The following ZFP64 variants were observed in gnomAD, a reference collection of about 807,000 sequenced individuals.
The protein encoded by ZFP64 is ZFP64 zinc finger protein.
A neutral mutation model predicts 51.6 loss-of-function variants in ZFP64; 14 were observed. The observed-to-expected ratio is 0.27, with a 90% CI of 0.18 to 0.42. The LOEUF is 0.42. ZFP64 is among the 10% of genes least tolerant of loss of function. The pLI is 1.00. For synonymous variants in ZFP64, 375 were observed against 361.4 expected (o/e 1.04, Z -0.43); for missense variants, 754 against 906.8 (o/e 0.83, Z 2.16).
chr20:52,148,513 C>T (rs1488260771), downstream of ZFP64, among the ~76,000 whole-genome samples: 5 of 152,144 alleles, frequency 3.3e-5, no homozygotes, highest in Non-Finnish European at 7.4e-5. Flanking sequence ...CGAGCATGGC[C>T]AACATGGCGA....
At chr20:52,090,487 G>A (rs1568940513) in intron 7 of ZFP64, among the ~76,000 whole-genome samples, 1 of 152,130 alleles carries the variant, frequency 6.6e-6, no homozygotes, top group East Asian at 1.9e-4. Context: ...TCAGACAAGA[G>A]AAAAACAACC....
intron 2 of ZFP64, among the ~76,000 whole-genome samples, chr20:52,178,722 C>G (rs1382128926): frequency 6.6e-6 from 1 of 152,026 alleles, no homozygotes; most frequent in Non-Finnish European, 1.5e-5. Context: ...CCTTTCCCAC[C>G]GTCTTTCTCC....
At chr20:52,185,877 A>G (rs1181954155) in intron 2 of ZFP64, among the ~76,000 whole-genome samples, 1 of 151,936 alleles carries the variant, frequency 6.6e-6, no homozygotes, top group East Asian at 1.9e-4. Flanking sequence ...CACCGTGTCC[A>G]GGCTCCACTT....
At chr20:52,138,705 A>G (rs190605548) in intron 5 of ZFP64, among the ~76,000 whole-genome samples, 8 of 152,292 alleles carry the variant, frequency 5.3e-5, no homozygotes, top group African/African-American at 1.9e-4. Flanking sequence ...TAAAAATGCA[A>G]TCCTCGAGAG....
intron 6 of ZFP64, among the ~76,000 whole-genome samples, chr20:52,097,741 TGAGCCACCATGCCTGGCCTGAA>T (rs1437338389): frequency 6.6e-5 from 10 of 152,200 alleles, no homozygotes; most frequent in Non-Finnish European, 1.5e-4. Flanking sequence ...ATTACAGGTG[TGAGCCACCATGCCTGGCCTGAA>T]GAATACAATT....
chr20:52,096,996 G>T, intron 7 of ZFP64: 1 of 558,940 alleles, frequency 1.8e-6, no homozygotes. Context: ...ATAGGTAAAT[G>T]AAGGAGCATG....
intron 2 of ZFP64, among the ~76,000 whole-genome samples, chr20:52,179,971 G>C (rs779237461): frequency 6.6e-6 from 1 of 152,222 alleles, no homozygotes; most frequent in Non-Finnish European, 1.5e-5. Flanking sequence ...GAGGGGAGGA[G>C]GATGTCTGGT....
intron 5 of ZFP64, among the ~76,000 whole-genome samples, chr20:52,120,832 A>T (rs1979154783): frequency 6.6e-6 from 1 of 151,858 alleles, no homozygotes; most frequent in South Asian, 2.1e-4. Flanking sequence ...ATGTGCCACC[A>T]TGCCCAGATA....
chr20:52,084,478 C>T (rs2078842433), exon 9 of ZFP64: 9 of 1,395,352 alleles, frequency 6.4e-6, no homozygotes, highest in Admixed American at 2.3e-5. Context: ...AAGCCTGTCT[C>T]TCAGTGGCCT....
At chr20:52,186,764 A>G (rs1568708858) in intron 2 of ZFP64, 68 bp downstream of exon 2, 1 of 1,524,770 alleles carries the variant, frequency 6.6e-7, no homozygotes, top group East Asian at 2.3e-5. Flanking sequence ...ATTTTTAACA[A>G]GTTCCATGGA....
chr20:52,105,045 T>C (rs1978299722), intron 5 of ZFP64: 2 of 1,379,414 alleles, frequency 1.4e-6, no homozygotes, highest in South Asian at 1.6e-5. Flanking sequence ...TCAGGTCCCC[T>C]GCCCGGTCCT....
chr20:52,089,429 G>A (rs929367780), intron 7 of ZFP64, among the ~76,000 whole-genome samples: 5 of 152,110 alleles, frequency 3.3e-5, no homozygotes, highest in African/African-American at 4.8e-5. Context: ...GTCCACAACC[G>A]CAGAATGTAC....
chr20:52,151,812 G>C lies in ZFP64; in HGVS notation c.*334C>G, dbSNP rs1435626785. 9.3e-7 allele frequency: 1 copy of C among 1,070,758 alleles called. No individual in the cohort carries two copies. Among genetic ancestry groups the C allele is most frequent in the Non-Finnish European group, 1.1e-6 (1 of 878,352 alleles). 66.3% of individuals were successfully genotyped at this position (1,070,758 alleles called of 1,614,324 possible). ...CACACCTGTAATCCCAGCACTTTGG[G>C]AGGCTGAGGTGGGCAGATCACTTGA... On this transcript the variant is annotated 3_prime_UTR_variant, in exon 6 of 6. Transcript: ENST00000216923.
chr20:52,175,046 C>A (rs1475430053), intron 2 of ZFP64, among the ~76,000 whole-genome samples: 1 of 152,124 alleles, frequency 6.6e-6, no homozygotes, highest in African/African-American at 2.4e-5. Context: ...TCTATTAGCT[C>A]ATTTTTTCTA....
chr20:52,152,107 C>T lies in ZFP64; in HGVS notation c.*39G>A. On this transcript the variant is annotated 3_prime_UTR_variant, in exon 6 of 6. Transcript: ENST00000216923. ...AGAATTCTACTTAAGATTTCTTTTT[C>T]TCAATTCCTTTCCCCCACTCCTTTT... 1.9e-6 allele frequency: 3 copies of T among 1,575,292 alleles called. No individual in the cohort carries two copies. Among genetic ancestry groups the T allele is most frequent in the East Asian group, 4.5e-5 (2 of 44,374 alleles).
At chr20:52,120,667 CTTTTTTTTT>C (rs11469627) in intron 5 of ZFP64, among the ~76,000 whole-genome samples, 2 of 57,436 alleles carry the variant, frequency 3.5e-5, no homozygotes, top group Non-Finnish European at 6.0e-5. Flanking sequence ...GATCAGTGAT[CTTTTTTTTT>C]TTTTTTTTTT....
intron 2 of ZFP64, among the ~76,000 whole-genome samples, chr20:52,180,547 CAAAAAAA>C (rs10669415): frequency 4.2e-4 from 37 of 87,184 alleles, no homozygotes; most frequent in African/African-American, 1.4e-3. Flanking sequence ...CCAGAAATGG[CAAAAAAA>C]AAAAAAAAAA....
chr20:52,124,945 T>C (rs67243058), intron 5 of ZFP64, among the ~76,000 whole-genome samples: 38,573 of 151,946 alleles, frequency 0.25, 5,418 homozygotes, highest in Admixed American at 0.37. Context: ...TATGATGAAA[T>C]CAAAGGCCAG....
chr20:52,112,273 T>C lies in ZFP64; in HGVS notation c.764-13686A>G, dbSNP rs143303412. 5.9e-5 allele frequency among the ~76,000 whole-genome samples: 9 copies of C among 152,262 alleles called. No individual in the cohort carries two copies. The East Asian group carries it at 1.7e-3, about 29-fold the overall frequency. On this transcript the variant is annotated intron_variant, in intron 5 of 8. Transcript: ENST00000361387. ...CAGGTACAGAACAACATCTAGTACA[T>C]AGATACTACTCTAAGTATTAACAGT...
Sources: gnomAD v4.1 joint callset for allele counts (sites outside exome capture counted in the v4.1 genomes callset) on GRCh38, gnomAD v4.1.1 for gene constraint, MANE v1.5 for transcripts, NCBI Gene and HGNC (gene_info 2026-07-23, HGNC 2026-07-21) for gene names.